The following ADCY1 variants were observed in gnomAD, a reference collection of about 807,000 sequenced individuals.
ADCY1 encodes adenylate cyclase 1.
A neutral mutation model predicts 105.4 loss-of-function variants in ADCY1; 28 were observed. That is an observed-to-expected ratio of 0.27 (90% confidence interval 0.20 to 0.36). The LOEUF is 0.36. ADCY1 is among the 10% of genes least tolerant of loss of function. The probability of loss-of-function intolerance (pLI) is 1.00; values close to 1 mark genes in which losing one functional copy is unlikely to be tolerated. For synonymous variants in ADCY1, 655 were observed against 623.8 expected (o/e 1.05, Z -0.75); for missense variants, 977 against 1,434.2 (o/e 0.68, Z 5.15).
At position 45,703,237 on chromosome 7, in the gene ADCY1, G is replaced by C. The variant is rs1212352803; in HGVS notation, c.2455-139G>C. 1 of 774,794 alleles carries C rather than the reference G, an allele frequency of 1.3e-6. No individual in the cohort carries two copies. The highest frequency in any genetic ancestry group is 2.3e-6 in the Non-Finnish European group (1 of 436,422). 48.0% of individuals were successfully genotyped at this position (774,794 alleles called of 1,614,324 possible). A position where few individuals can be genotyped will look rare whatever the true frequency, so the allele number is the denominator to read the frequency against. ...ACATGGATCTAGTCTTGCATCTAGT[G>C]GGGAGGAGGGACAGGAGCGTGGATG... is the stretch of plus-strand genomic sequence containing the variant. On this transcript the variant is annotated intron_variant, in intron 14 of 19. Transcript: ENST00000297323. This position sits in a 1 kb window ranked among gnomAD's most constrained non-coding sequence, Gnocchi z 5.9.
At position 45,710,174 on chromosome 7, in the gene ADCY1, C is replaced by T. The variant is rs565893032; in HGVS notation, c.2933-354C>T. ...TGTAATCACAGATATTGAAAGGCCACACTTCTGAGTGGCTCCCCTGGTAGG... is the reference window on the plus strand; with the variant it reads ...TGTAATCACAGATATTGAAAGGCCATACTTCTGAGTGGCTCCCCTGGTAGG... On this transcript the variant is annotated intron_variant, in intron 18 of 19. Coordinates refer to ENST00000297323, the MANE Select transcript of ADCY1 (RefSeq NM_021116.4). This position sits in a 1 kb window ranked among gnomAD's most constrained non-coding sequence, Gnocchi z 4.7. Among the ~76,000 whole-genome samples the T allele has an allele frequency of 1.1e-4, 17 of 152,322 alleles. No homozygotes were observed. The South Asian group carries it at 3.1e-3, about 28-fold the overall frequency.
chr7:45,684,072 G>A (rs1250278945), intron 11 of ADCY1, among the ~76,000 whole-genome samples: 2 of 152,372 alleles, frequency 1.3e-5, no homozygotes, highest in Admixed American at 6.5e-5. Flanking sequence ...TTCACGGTCA[G>A]TAAAGTGTTT....
chr7:45,642,130 CAG>C (rs1278199802), intron 4 of ADCY1, among the ~76,000 whole-genome samples: 1 of 152,014 alleles, frequency 6.6e-6, no homozygotes, highest in Admixed American at 6.5e-5. Flanking sequence ...CCATGCCAAA[CAG>C]GGCCACACAG....
At chr7:45,645,912 G>A (rs1794651333) in intron 4 of ADCY1, among the ~76,000 whole-genome samples, 1 of 151,224 alleles carries the variant, frequency 6.6e-6, no homozygotes. Flanking sequence ...CCTCATTTGG[G>A]CCTCTGAGAA....
chr7:45,707,292 T>G (rs183822141), intron 17 of ADCY1, among the ~76,000 whole-genome samples: 2 of 152,354 alleles, frequency 1.3e-5, no homozygotes, highest in Non-Finnish European at 2.9e-5. Context: ...CTAGGTATCC[T>G]TCAGTAGGTG....
intron 14 of ADCY1, among the ~76,000 whole-genome samples, chr7:45,696,662 T>A (rs1162585413): frequency 6.6e-6 from 1 of 151,992 alleles, no homozygotes; most frequent in African/African-American, 2.4e-5. Context: ...AGCTTCAGAG[T>A]GCTCCCCCGT....
At chr7:45,601,609 A>AGTCAT (rs911742489) in intron 2 of ADCY1, among the ~76,000 whole-genome samples, 2 of 152,028 alleles carry the variant, frequency 1.3e-5, no homozygotes, top group African/African-American at 4.8e-5. Context: ...GTAGAGGTGC[A>AGTCAT]GTCATGAGTC....
In ADCY1 at chr7:45,686,305, GA is replaced by G; in HGVS notation, c.2327+92del. On this transcript the variant is annotated intron_variant, in intron 13 of 19. Transcript: ENST00000297323. The surrounding 1 kb of genome is among the most constrained non-coding windows in gnomAD (Gnocchi z 4.3). ...TATGCACTACAGGCTTCTGAGTCCA[GA>G]ACTAGTCAAGTTGAATTGTATACAC... The G allele has an allele frequency of 6.6e-7, 1 of 1,516,040 alleles. No individual in the cohort carries two copies. The highest frequency in any genetic ancestry group is 1.4e-5 in the African/African-American group (1 of 72,080). 93.9% of individuals were successfully genotyped at this position (1,516,040 alleles called of 1,614,324 possible).
intron 14 of ADCY1, among the ~76,000 whole-genome samples, chr7:45,692,074 G>A (rs566303090): frequency 6.6e-6 from 1 of 152,188 alleles, no homozygotes; most frequent in Admixed American, 6.5e-5. Context: ...TTTATGGAGG[G>A]ACAGATGGTT....
intron 4 of ADCY1, 122 bp downstream of exon 4, chr7:45,622,865 C>A: frequency 1.3e-6 from 1 of 761,318 alleles, no homozygotes; most frequent in Non-Finnish European, 2.2e-6. Flanking sequence ...TTTCTTCCAG[C>A]AAGGTTATAA....
chr7:45,604,051 A>C (rs1793314642), intron 2 of ADCY1, among the ~76,000 whole-genome samples: 1 of 152,146 alleles, frequency 6.6e-6, no homozygotes, highest in Non-Finnish European at 1.5e-5. Flanking sequence ...ATAGGTACTA[A>C]TTTTTCTGGC....
chr7:45,644,542 A>T (rs1345173686), intron 4 of ADCY1, among the ~76,000 whole-genome samples: 1 of 152,160 alleles, frequency 6.6e-6, no homozygotes, highest in Admixed American at 6.5e-5. Context: ...GCTCTGTTAT[A>T]CTGAGAAGCT....
chr7:45,602,985 T>C (rs1033502976), intron 2 of ADCY1, among the ~76,000 whole-genome samples: 1 of 152,212 alleles, frequency 6.6e-6, no homozygotes, highest in Non-Finnish European at 1.5e-5. Flanking sequence ...CAGCAAGACA[T>C]AGGCACCCAC....
intron 9 of ADCY1, 39 bp downstream of exon 9, chr7:45,678,102 G>A: frequency 6.2e-7 from 1 of 1,613,772 alleles, no homozygotes; most frequent in South Asian, 1.1e-5. Flanking sequence ...GGTGCTGCTT[G>A]CGAAGGCGCT....
chr7:45,603,984 T>A (rs1203766251), intron 2 of ADCY1, among the ~76,000 whole-genome samples: 1 of 152,244 alleles, frequency 6.6e-6, no homozygotes, highest in Non-Finnish European at 1.5e-5. Context: ...GTTTCCAGTT[T>A]TGGCCTATTA....
chr7:45,691,890 C>T (rs367687854), intron 14 of ADCY1, among the ~76,000 whole-genome samples: 1 of 152,184 alleles, frequency 6.6e-6, no homozygotes, highest in African/African-American at 2.4e-5. Context: ...ACACATGTGA[C>T]AGTGACACTT....
At chr7:45,680,082 T>C (rs780906213) in intron 11 of ADCY1, among the ~76,000 whole-genome samples, 6 of 152,232 alleles carry the variant, frequency 3.9e-5, no homozygotes, top group Non-Finnish European at 8.8e-5. Flanking sequence ...TCTGCTCATA[T>C]AGCAGGTGCT....
At chr7:45,711,644 T>TATATACACACAC (rs1189707139) in intron 19 of ADCY1, among the ~76,000 whole-genome samples, 1 of 51,490 alleles carries the variant, frequency 1.9e-5, no homozygotes, top group African/African-American at 6.6e-5. Context: ...TATATATATA[T>TATATACACACAC]ACACACACAC....
chr7:45,665,762 C>G (rs1483654514), intron 8 of ADCY1, among the ~76,000 whole-genome samples: 1 of 152,154 alleles, frequency 6.6e-6, no homozygotes, highest in Non-Finnish European at 1.5e-5. Context: ...TTCTAAGTGG[C>G]TGGATGGCCT....
Sources: gnomAD v4.1 joint callset for allele counts (sites outside exome capture counted in the v4.1 genomes callset) on GRCh38, gnomAD v4.1.1 for gene constraint, Gnocchi (gnomAD v3.1) non-coding constraint, MANE v1.5 for transcripts, NCBI Gene and HGNC (gene_info 2026-07-23, HGNC 2026-07-21) for gene names.